Variants in ACADSB observed in about 807,000 individuals in gnomAD.
ACADSB encodes acyl-CoA dehydrogenase short/branched chain.
In ACADSB, 40 loss-of-function variants were observed where a neutral mutation model predicts 54.1. That is an observed-to-expected ratio of 0.74 (90% CI 0.57 to 0.96). The LOEUF (loss-of-function observed/expected upper bound fraction) is 0.96, where lower values mean the gene tolerates loss of function less well. Among genes scored for constraint, ACADSB ranks in the 40% least tolerant of loss-of-function variants. The pLI, the probability that ACADSB is intolerant of heterozygous loss-of-function variation, is 0.00. For synonymous variants in ACADSB, 182 were observed against 182.8 expected (o/e 1.00, Z 0.03); for missense variants, 530 against 510.4 (o/e 1.04, Z -0.37).
chr10:123,048,674 G>A (rs776067649), intron 8 of ACADSB, among the ~76,000 whole-genome samples: 5 of 152,044 alleles, frequency 3.3e-5, no homozygotes, highest in Admixed American at 6.6e-5. Context: ...GCCTAGTATG[G>A]ATAGTTAGAA....
intron 5 of ACADSB, 73 bp downstream of exon 5, chr10:123,041,452 T>C: frequency 6.6e-7 from 1 of 1,514,776 alleles, no homozygotes; most frequent in Non-Finnish European, 9.2e-7. Context: ...TTCCTCCTTC[T>C]GTTTCCTTTT....
In ACADSB at chr10:123,011,320, G is replaced by A. The variant is rs375526930; in HGVS notation, c.42+2249G>A. ...GCTTCATCTTGCAAATGAGGAACTC[G>A]GAGGCAATAACCAGTGTTCCCAAGT... On this transcript the variant is annotated intron_variant, in intron 1 of 10. Transcript: ENST00000358776. Among the ~76,000 whole-genome samples, 58 of 152,266 alleles carry A rather than the reference G, an allele frequency of 3.8e-4. No homozygotes were observed. In the South Asian group the frequency reaches 1.0e-2, roughly 26 times the overall value.
intron 1 of ACADSB, among the ~76,000 whole-genome samples, chr10:123,023,901 C>A (rs925486434): frequency 6.6e-6 from 1 of 152,236 alleles, no homozygotes; most frequent in Non-Finnish European, 1.5e-5. Context: ...GACCTCAGAA[C>A]CTCTGCCTAG....
At chr10:123,021,445 C>A (rs1850182617) in intron 1 of ACADSB, among the ~76,000 whole-genome samples, 1 of 152,184 alleles carries the variant, frequency 6.6e-6, no homozygotes, top group Admixed American at 6.5e-5. Flanking sequence ...TTTTTACAAA[C>A]CTTCCACAAC....
chr10:123,013,484 G>C (rs912457989), intron 1 of ACADSB, among the ~76,000 whole-genome samples: 6 of 152,270 alleles, frequency 3.9e-5, no homozygotes, highest in African/African-American at 1.4e-4. Flanking sequence ...CTGCCTGCCA[G>C]TCTCGCGCCT....
chr10:123,030,546 A>G (rs1462581156), intron 1 of ACADSB, among the ~76,000 whole-genome samples: 3 of 151,644 alleles, frequency 2.0e-5, no homozygotes, highest in Admixed American at 6.6e-5. Context: ...AAAAAAAAGA[A>G]AAGAAAAAAA....
In ACADSB at chr10:123,041,332, G is replaced by C; in HGVS notation, c.634G>C (p.Glu212Gln). Residue 212 changes from glutamate to glutamine, a missense_variant, in exon 5 of 11, where the codon GAG becomes CAG. Transcript: ENST00000358776. ...NGSKMWISSA[E>Q]HAGLFLVMAN... ...ATCAAAGATGTGGATCAGCAGTGCT[G>C]AGCACGCAGGGCTCTTTCTGGTGAT... 1.2e-6 allele frequency: 2 copies of C among 1,614,196 alleles called. No individual in the cohort carries two copies. The highest frequency in any genetic ancestry group is 1.7e-6 in the Non-Finnish European group (2 of 1,180,034).
At chr10:123,019,625 G>GGTTT (rs1006697254) in intron 1 of ACADSB, among the ~76,000 whole-genome samples, 1 of 152,158 alleles carries the variant, frequency 6.6e-6, no homozygotes, top group African/African-American at 2.4e-5. Flanking sequence ...TATTTGTCAA[G>GGTTT]GTTTGTTTGT....
At chr10:123,042,281 G>A (rs1850485713) in intron 5 of ACADSB, among the ~76,000 whole-genome samples, 1 of 151,142 alleles carries the variant, frequency 6.6e-6, no homozygotes, top group South Asian at 2.1e-4. Context: ...CTTTAATTTT[G>A]TTGAATTTCC....
At chr10:123,017,428 C>T (rs542410831) in intron 1 of ACADSB, among the ~76,000 whole-genome samples, 24 of 152,288 alleles carry the variant, frequency 1.6e-4, no homozygotes, top group East Asian at 5.8e-4. Context: ...AGTGATTCTC[C>T]TGCCTCAGCC....
chr10:123,026,576 T>C (rs1850254713), intron 1 of ACADSB, among the ~76,000 whole-genome samples: 1 of 152,180 alleles, frequency 6.6e-6, no homozygotes, highest in Non-Finnish European at 1.5e-5. Context: ...ATTAGATTTC[T>C]ATGCAGTCTA....
intron 4 of ACADSB, 128 bp from the exon 5 acceptor site, chr10:123,041,081 C>A: frequency 9.4e-7 from 1 of 1,061,740 alleles, no homozygotes; most frequent in Non-Finnish European, 1.4e-6. Context: ...TTGCTATTTT[C>A]ATAAATATAG....
intron 8 of ACADSB, among the ~76,000 whole-genome samples, chr10:123,050,826 C>A (rs1378829337): frequency 6.6e-6 from 1 of 152,164 alleles, no homozygotes; most frequent in East Asian, 1.9e-4. Flanking sequence ...TGAAGACTTA[C>A]ATGAACTTTG....
chr10:123,016,482 C>T (rs1175234024), intron 1 of ACADSB, among the ~76,000 whole-genome samples: 5 of 152,220 alleles, frequency 3.3e-5, no homozygotes, highest in African/African-American at 9.7e-5. Context: ...CTGTTACAGG[C>T]GCATACTCCT....
chr10:123,047,282 GAC>G lies in ACADSB; in HGVS notation c.975_976del (p.Arg325SerfsTer3). On this transcript the variant is annotated frameshift_variant, in exon 8 of 11. Coordinates refer to ENST00000358776, the MANE Select transcript of ACADSB (RefSeq NM_001609.4). LOFTEE classifies it high-confidence loss of function. ...AAAGAAAGGATACAATTTGGCAAAA[GAC>G]TATTTGATTTTCAGGTATGTAATTA... The G allele has an allele frequency of 6.3e-7, 1 of 1,590,896 alleles. No individual in the cohort carries two copies. The highest frequency in any genetic ancestry group is 8.6e-7 in the Non-Finnish European group (1 of 1,158,800).
At chr10:123,038,069 G>C (rs1053627296) in intron 3 of ACADSB, among the ~76,000 whole-genome samples, 8 of 152,206 alleles carry the variant, frequency 5.3e-5, no homozygotes, top group Non-Finnish European at 1.5e-5. Context: ...AAGTAAGATG[G>C]TAATTTATTT....
At chr10:123,047,437 T>C in intron 8 of ACADSB, 139 bp downstream of exon 8, 1 of 672,236 alleles carries the variant, frequency 1.5e-6, no homozygotes, top group Non-Finnish European at 2.6e-6. Flanking sequence ...AGAATAGGTC[T>C]CAGGGAGTGT....
At chr10:123,010,544 C>T (rs1048167176) in intron 1 of ACADSB, among the ~76,000 whole-genome samples, 10 of 152,178 alleles carry the variant, frequency 6.6e-5, no homozygotes, top group African/African-American at 2.2e-4. Flanking sequence ...TGGATCTGAA[C>T]CCAGGCCCTC....
intron 5 of ACADSB, among the ~76,000 whole-genome samples, chr10:123,041,851 T>C (rs1262281149): frequency 6.6e-6 from 1 of 152,152 alleles, no homozygotes; most frequent in African/African-American, 2.4e-5. Flanking sequence ...GATTTTGGTA[T>C]CCATGGGGGT....
Sources: gnomAD v4.1 joint callset for allele counts (sites outside exome capture counted in the v4.1 genomes callset) on GRCh38, gnomAD v4.1.1 for gene constraint, MANE v1.5 for transcripts, NCBI Gene and HGNC (gene_info 2026-07-23, HGNC 2026-07-21) for gene names.